PLCL2: variants seen among roughly 807,000 people sequenced by gnomAD.
PLCL2 encodes phospholipase C like 2, also known as inactive phospholipase C-like protein 2.
A neutral mutation model predicts 79.6 loss-of-function variants in PLCL2; 4 were observed. The observed-to-expected ratio is 0.05, with a 90% confidence interval of 0.02 to 0.11. PLCL2 has a LOEUF of 0.11. Ranked by LOEUF, PLCL2 falls within the 10% of genes least tolerant of loss-of-function variation. PLCL2 has a pLI of 1.00. For missense variants in PLCL2, 895 were observed against 1,291.0 expected, an observed-to-expected ratio of 0.69 and a Z score of 4.70; for synonymous variants, 484 against 457.7, an observed-to-expected ratio of 1.06 and a Z score of -0.73.
Position 16,944,799 on chromosome 3 carries a change from G to A in PLCL2, c.327+59433G>A, listed in dbSNP as rs1337848115. On this transcript the variant is annotated intron_variant, in intron 1 of 5. Coordinates refer to ENST00000615277, the MANE Select transcript of PLCL2 (RefSeq NM_001144382.2). Reference sequence around the variant, plus strand: ...ATTTGAGACAGAGTCTCCTTCTGTCGCCCAGGCTGGAGTGCAGTGGCGTGA... The same window carrying A: ...ATTTGAGACAGAGTCTCCTTCTGTCACCCAGGCTGGAGTGCAGTGGCGTGA... 3.3e-5 allele frequency among the ~76,000 whole-genome samples: 5 copies of A among 150,382 alleles called. No individual in the cohort carries two copies. The East Asian group carries it at 5.8e-4, about 18-fold the overall frequency.
chr3:16,936,250 G>A (rs568276305), intron 1 of PLCL2, among the ~76,000 whole-genome samples: 1 of 152,208 alleles, frequency 6.6e-6, no homozygotes, highest in African/African-American at 2.4e-5. Flanking sequence ...GAAATTTTTT[G>A]TTTTTAAATT....
rs980613613 is a variant in PLCL2 at position 17,021,012 on chromosome 3, T to C, written c.3018+6101T>C. 5.3e-4 allele frequency among the ~76,000 whole-genome samples: 81 copies of C among 152,190 alleles called. 3 individuals carry two copies. Among genetic ancestry groups the C allele is most frequent in the Non-Finnish European group, 1.1e-3 (72 of 68,022 alleles). On this transcript the variant is annotated intron_variant, in intron 3 of 5. Transcript: ENST00000615277. ...GTAATAAGGTTACTATTGATCCCCA[T>C]CTCCTTTGTGGCTTCTTTTATCACT...
intron 4 of PLCL2, among the ~76,000 whole-genome samples, chr3:17,056,623 C>T (rs191964974): frequency 6.6e-6 from 1 of 152,210 alleles, no homozygotes; most frequent in African/African-American, 2.4e-5. Context: ...CATTATAGGT[C>T]AGTGCTGTGT....
intron 3 of PLCL2, among the ~76,000 whole-genome samples, chr3:17,028,639 G>A (rs2064544531): frequency 6.6e-6 from 1 of 151,928 alleles, no homozygotes; most frequent in Non-Finnish European, 1.5e-5. Flanking sequence ...AGCATGCCCG[G>A]CTCATTTTGT....
chr3:16,965,929 G>A (rs1159924855), intron 1 of PLCL2, among the ~76,000 whole-genome samples: 8 of 152,224 alleles, frequency 5.3e-5, no homozygotes, highest in East Asian at 1.9e-4. Flanking sequence ...GGGCTGAGAC[G>A]ATGGGATTTT....
At chr3:16,981,599 GT>G (rs761443961) in intron 1 of PLCL2, among the ~76,000 whole-genome samples, 1 of 152,084 alleles carries the variant, frequency 6.6e-6, no homozygotes, top group Non-Finnish European at 1.5e-5. Context: ...TTCTTATTTC[GT>G]TTGCAGCATG....
At chr3:16,957,703 C>A (rs149701872) in intron 1 of PLCL2, among the ~76,000 whole-genome samples, 1 of 152,270 alleles carries the variant, frequency 6.6e-6, no homozygotes, top group African/African-American at 2.4e-5. Flanking sequence ...CTTTATGAAT[C>A]TGGGTGCTCC....
At chr3:16,987,977 G>C (rs1382166006) in intron 1 of PLCL2, among the ~76,000 whole-genome samples, 2 of 152,080 alleles carry the variant, frequency 1.3e-5, no homozygotes, top group Non-Finnish European at 2.9e-5. Context: ...GGATTTTGAT[G>C]GTAAAAATAT....
chr3:16,936,514 T>A (rs1697542319), intron 1 of PLCL2, among the ~76,000 whole-genome samples: 1 of 151,994 alleles, frequency 6.6e-6, no homozygotes, highest in Non-Finnish European at 1.5e-5. Flanking sequence ...TTTGCCAGAT[T>A]GTTTAAAAAA....
chr3:17,068,955 T>G (rs1268178754), intron 5 of PLCL2, among the ~76,000 whole-genome samples: 3 of 152,196 alleles, frequency 2.0e-5, no homozygotes, highest in Admixed American at 1.3e-4. Context: ...GGTGTTTGCC[T>G]TCCAAACTTT....
chr3:16,951,548 C>A lies in PLCL2; in HGVS notation c.328-58126C>A, dbSNP rs190143802. Among the ~76,000 whole-genome samples the A allele has an allele frequency of 3.2e-4, 48 of 151,952 alleles. No individual in the cohort carries two copies. In the East Asian group the frequency reaches 8.1e-3, roughly 26 times the overall value. The stretch of plus-strand genomic sequence containing the variant: ...TTATTGCTATATTAATTTCTCTTTT[C>A]TATATGTTTATTTTCTTTCTCTTGT... On this transcript the variant is annotated intron_variant, in intron 1 of 5. Coordinates refer to ENST00000615277, the MANE Select transcript of PLCL2 (RefSeq NM_001144382.2).
chr3:17,022,972 C>T (rs2064472605), intron 3 of PLCL2, among the ~76,000 whole-genome samples: 1 of 152,182 alleles, frequency 6.6e-6, no homozygotes, highest in Non-Finnish European at 1.5e-5. Context: ...CTCTGACTTT[C>T]TCTCTTTCCC....
At chr3:17,037,673 C>G (rs1265921720) in intron 3 of PLCL2, among the ~76,000 whole-genome samples, 1 of 152,134 alleles carries the variant, frequency 6.6e-6, no homozygotes, top group Non-Finnish European at 1.5e-5. Flanking sequence ...ATCTAGAATT[C>G]AGATGTTATT....
chr3:17,051,244 C>T (rs1418779344), intron 4 of PLCL2, among the ~76,000 whole-genome samples: 54 of 152,098 alleles, frequency 3.6e-4, no homozygotes, highest in Admixed American at 3.5e-3. Flanking sequence ...TATTTGATAG[C>T]GCAACAGGGG....
At chr3:17,044,373 A>G (rs768547966) in intron 4 of PLCL2, among the ~76,000 whole-genome samples, 1 of 152,166 alleles carries the variant, frequency 6.6e-6, no homozygotes, top group Non-Finnish European at 1.5e-5. Context: ...CTCTCTGCCA[A>G]TCTGTACTTT....
At chr3:16,894,806 A>G (rs1344938558) in intron 1 of PLCL2, among the ~76,000 whole-genome samples, 2 of 151,898 alleles carry the variant, frequency 1.3e-5, no homozygotes, top group Non-Finnish European at 2.9e-5. Flanking sequence ...GGTTGTTTTT[A>G]TTTTNAAAAA....
chr3:17,063,032 A>G (rs2064967778), intron 4 of PLCL2, among the ~76,000 whole-genome samples: 1 of 151,954 alleles, frequency 6.6e-6, no homozygotes, highest in Non-Finnish European at 1.5e-5. Flanking sequence ...ACACTCTGTA[A>G]GAATATTAGG....
intron 1 of PLCL2, among the ~76,000 whole-genome samples, chr3:16,929,014 G>T (rs1371875419): frequency 6.6e-6 from 1 of 152,104 alleles, no homozygotes; most frequent in Non-Finnish European, 1.5e-5. Flanking sequence ...GATTGGGCAG[G>T]GGGGTGGTGG....
intron 1 of PLCL2, among the ~76,000 whole-genome samples, chr3:16,997,018 CAATT>C (rs2124999737): frequency 6.6e-6 from 1 of 152,304 alleles, no homozygotes; most frequent in Admixed American, 6.5e-5. Flanking sequence ...TGTCACCCCT[CAATT>C]GAAGAAACAA....
Sources: allele counts gnomAD v4.1 joint callset (sites outside exome capture counted in the v4.1 genomes callset), GRCh38; gene constraint gnomAD v4.1.1; transcripts MANE v1.5; gene names NCBI Gene and HGNC (gene_info 2026-07-23, HGNC 2026-07-21).